Variants in NRG1 observed in about 807,000 individuals in gnomAD.
The protein encoded by NRG1 is neuregulin 1.
In NRG1, 18 loss-of-function variants were observed where a neutral mutation model predicts 63.8. That is an observed-to-expected ratio of 0.28 (90% CI 0.19 to 0.42). The LOEUF is 0.42. NRG1 is among the 10% of genes least tolerant of loss of function. The pLI is 1.00. For synonymous variants in NRG1, 302 were observed against 301.3 expected, an observed-to-expected ratio of 1.00 and a Z score of -0.02; for missense variants, 762 against 814.7, an observed-to-expected ratio of 0.94 and a Z score of 0.79.
intron 1 of NRG1, among the ~76,000 whole-genome samples, chr8:31,954,321 G>A (rs189480473): frequency 7.4e-4 from 113 of 152,312 alleles, no homozygotes; most frequent in African/African-American, 2.6e-3. Context: ...CAAAGTGGGT[G>A]AACATGTAGG....
intron 1 of NRG1, among the ~76,000 whole-genome samples, chr8:32,366,677 G>GTATATGTA (rs2098439243): frequency 1.1e-5 from 1 of 87,522 alleles, no homozygotes; most frequent in South Asian, 3.8e-4. Flanking sequence ...GTGTGTGTGT[G>GTATATGTA]TATATATATA....
intron 1 of NRG1, among the ~76,000 whole-genome samples, chr8:32,091,758 G>A (rs1244840154): frequency 6.6e-6 from 1 of 152,162 alleles, no homozygotes; most frequent in Non-Finnish European, 1.5e-5. Context: ...AGATCTGAAA[G>A]CAAATTGCCT....
In NRG1 at chr8:32,364,677, T is replaced by G. The variant is rs192119964; in HGVS notation, c.38-231151T>G. Among the ~76,000 whole-genome samples the G allele has an allele frequency of 3.2e-3, 483 of 152,276 alleles. 1 individual carries two copies. Among genetic ancestry groups the G allele is most frequent in the Admixed American group, 6.7e-3 (102 of 15,296 alleles). On this transcript the variant is annotated intron_variant, in intron 1 of 10. Transcript: ENST00000519301. ...CTTTTCCTATATGGGTTATTTATCT[T>G]TAGTAGAGCTTCTTAGAATTGGAAT...
rs143754163 is a variant in NRG1 at position 32,302,661 on chromosome 8, A to C, written c.38-293167A>C. Among the ~76,000 whole-genome samples, 140 of 148,220 alleles carry C rather than the reference A, an allele frequency of 9.4e-4. 2 individuals carry two copies. Among genetic ancestry groups the C allele is most frequent in the African/African-American group, 3.4e-3 (138 of 40,474 alleles). ...TGAAGTATTTGTATTTCTATTTATCAAGAAAGAAAAGACGAACCTGTGGCA... is the reference window on the plus strand; with the variant it reads ...TGAAGTATTTGTATTTCTATTTATCCAGAAAGAAAAGACGAACCTGTGGCA... On this transcript the variant is annotated intron_variant, in intron 1 of 10. Coordinates refer to the NRG1 transcript ENST00000519301.
In NRG1 at chr8:32,474,009, C is replaced by T. The variant is rs1021896038; in HGVS notation, c.38-121819C>T. On this transcript the variant is annotated intron_variant, in intron 1 of 10. Transcript: ENST00000519301. ...CCCACCCTTACATGTTTTCTCTTGG[C>T]ATCCTGATCCCTGGACACAACCCCA... is the stretch of plus-strand genomic sequence containing the variant. Among the ~76,000 whole-genome samples, 4 of 152,126 alleles carry T rather than the reference C, an allele frequency of 2.6e-5. No individual in the cohort carries two copies. In the East Asian group the frequency reaches 7.7e-4, roughly 29 times the overall value.
At chr8:31,820,388 G>A (rs1823891537) in intron 1 of NRG1, among the ~76,000 whole-genome samples, 1 of 152,166 alleles carries the variant, frequency 6.6e-6, no homozygotes, top group South Asian at 2.1e-4. Flanking sequence ...AGAGTAAAAA[G>A]ATGCCTCCAG....
rs533928349 is a variant in NRG1, at chr8:31,797,719, A to T, written c.37+158288A>T. 1.6e-4 allele frequency among the ~76,000 whole-genome samples: 24 copies of T among 152,298 alleles called. No homozygotes were observed. The South Asian group carries it at 4.3e-3, about 28-fold the overall frequency. On this transcript the variant is annotated intron_variant, in intron 1 of 10. Transcript: ENST00000519301. ...GCACTGTATATTTATTTATTGCAGC[A>T]CTATTTATTTATTGTTAACACTATT...
In NRG1 at chr8:32,590,190, T is replaced by C. The variant is rs529567896; in HGVS notation, c.101-5638T>C. Among the ~76,000 whole-genome samples the C allele has an allele frequency of 8.5e-5, 13 of 152,358 alleles. No individual in the cohort carries two copies. The South Asian group carries it at 2.7e-3, about 32-fold the overall frequency. ...CTCTGAAAGCATTTGCATGTCTGTT[T>C]TAAAAGGCTGTTCTTTGCACTGGAC... On this transcript the variant is annotated intron_variant, in intron 1 of 11. Transcript: ENST00000356819.
chr8:31,704,944 G>A (rs530631971), intron 1 of NRG1, among the ~76,000 whole-genome samples: 1 of 151,398 alleles, frequency 6.6e-6, no homozygotes, highest in South Asian at 2.1e-4. Context: ...CTAATTCATT[G>A]TTTGAAGAAA....
intron 1 of NRG1, among the ~76,000 whole-genome samples, chr8:32,370,747 A>C (rs1241658436): frequency 1.4e-5 from 2 of 147,750 alleles, no homozygotes; most frequent in African/African-American, 5.0e-5. Context: ...AATCCCAGCT[A>C]CTTGGGAGGC....
At chr8:32,756,557 A>C (rs1307344694) in intron 9 of NRG1, 28 bp downstream of exon 9, 1 of 1,592,784 alleles carries the variant, frequency 6.3e-7, no homozygotes, top group Non-Finnish European at 8.5e-7. Context: ...AGTGGAAAAA[A>C]CTGAGCCTCT....
chr8:31,783,481 A>G (rs965645916), intron 1 of NRG1, among the ~76,000 whole-genome samples: 2 of 152,120 alleles, frequency 1.3e-5, no homozygotes, highest in Admixed American at 6.6e-5. Context: ...AACATTGTCT[A>G]GAAATGAATA....
chr8:32,214,207 T>G (rs551737047), intron 1 of NRG1, among the ~76,000 whole-genome samples: 1 of 152,258 alleles, frequency 6.6e-6, no homozygotes, highest in African/African-American at 2.4e-5. Flanking sequence ...ATAGCTGTTT[T>G]CTCTCAAAAT....
At chr8:31,860,995 A>G (rs1406975413) in intron 1 of NRG1, among the ~76,000 whole-genome samples, 1 of 152,240 alleles carries the variant, frequency 6.6e-6, no homozygotes, top group African/African-American at 2.4e-5. Flanking sequence ...CCACAAAAAG[A>G]AAGAAATCAG....
chr8:32,169,054 A>T (rs1839711675), intron 1 of NRG1, among the ~76,000 whole-genome samples: 1 of 152,152 alleles, frequency 6.6e-6, no homozygotes, highest in Non-Finnish European at 1.5e-5. Flanking sequence ...GCCAATGCTG[A>T]TGTCATTATC....
intron 1 of NRG1, among the ~76,000 whole-genome samples, chr8:32,126,346 A>G (rs565961949): frequency 6.6e-6 from 1 of 152,044 alleles, no homozygotes; most frequent in Admixed American, 6.6e-5. Context: ...GAAAGCAAAT[A>G]GTATATAATG....
chr8:32,167,458 T>G (rs565674590), intron 1 of NRG1, among the ~76,000 whole-genome samples: 1 of 152,326 alleles, frequency 6.6e-6, no homozygotes, highest in African/African-American at 2.4e-5. Context: ...TGATGTAGTT[T>G]TATTTCTTAA....
intron 5 of NRG1, among the ~76,000 whole-genome samples, chr8:32,659,146 C>CTTTTTTTTTT (rs11408766): frequency 2.2e-5 from 3 of 136,038 alleles, no homozygotes; most frequent in East Asian, 2.2e-4. Context: ...CTTTTCTTTT[C>CTTTTTTTTTT]TTTTTTTTTT....
intron 1 of NRG1, among the ~76,000 whole-genome samples, chr8:32,408,756 T>C (rs1814462647): frequency 6.6e-6 from 1 of 152,180 alleles, no homozygotes; most frequent in Non-Finnish European, 1.5e-5. Flanking sequence ...TTTCTGTTTT[T>C]AAATTTCTGT....
Sources: allele counts gnomAD v4.1 joint callset (sites outside exome capture counted in the v4.1 genomes callset), GRCh38; gene constraint gnomAD v4.1.1; transcripts MANE v1.5; gene names NCBI Gene and HGNC (gene_info 2026-07-23, HGNC 2026-07-21).